The following CTNNA3 variants were observed in gnomAD, a reference collection of about 807,000 sequenced individuals.
CTNNA3 encodes catenin alpha-3.
Under a neutral mutation model 95.7 loss-of-function variants are expected in CTNNA3, and 76 were observed. The observed-to-expected ratio is 0.79, with a 90% CI of 0.66 to 0.96. The LOEUF is 0.96. CTNNA3 is among the 40% of genes least tolerant of loss of function. The probability of loss-of-function intolerance (pLI) is 0.00; values close to 1 mark genes in which losing one functional copy is unlikely to be tolerated. For missense variants in CTNNA3, 1,191 were observed against 1,089.8 expected, an observed-to-expected ratio of 1.09 and a Z score of -1.31; for synonymous variants, 431 against 374.4, an observed-to-expected ratio of 1.15 and a Z score of -1.74.
chr10:66,135,321 C>CA (rs1373630814), intron 13 of CTNNA3, among the ~76,000 whole-genome samples: 1 of 151,856 alleles, frequency 6.6e-6, no homozygotes, highest in Non-Finnish European at 1.5e-5. Context: ...GGCGAGAAGG[C>CA]AAAAAAACTG....
intron 11 of CTNNA3, among the ~76,000 whole-genome samples, chr10:66,515,442 A>T (rs1840814619): frequency 6.6e-6 from 1 of 151,966 alleles, no homozygotes; most frequent in South Asian, 2.1e-4. Context: ...TCCCTAAGTA[A>T]TTCACAACAC....
intron 11 of CTNNA3, among the ~76,000 whole-genome samples, chr10:66,479,980 C>CACA (rs1469514267): frequency 2.0e-5 from 2 of 100,586 alleles, no homozygotes; most frequent in East Asian, 5.2e-4. Context: ...ACACACACAC[C>CACA]CCAGAACTTT....
At chr10:66,740,215 A>T (rs1849282823) in intron 9 of CTNNA3, among the ~76,000 whole-genome samples, 1 of 152,246 alleles carries the variant, frequency 6.6e-6, no homozygotes, top group South Asian at 2.1e-4. Flanking sequence ...ACATGGTGAG[A>T]CTTTACTCAA....
intron 13 of CTNNA3, among the ~76,000 whole-genome samples, chr10:66,163,001 C>A (rs117445027): frequency 9.9e-5 from 15 of 152,126 alleles, no homozygotes; most frequent in Non-Finnish European, 2.1e-4. Context: ...GGAAAGCTGG[C>A]AGTCACAGAC....
At chr10:66,367,260 T>G (rs374774339) in intron 12 of CTNNA3, among the ~76,000 whole-genome samples, 1 of 152,230 alleles carries the variant, frequency 6.6e-6, no homozygotes, top group Non-Finnish European at 1.5e-5. Context: ...CAAGGTGATT[T>G]CAAACTTAAA....
chr10:67,352,217 C>A (rs1303746879), intron 5 of CTNNA3, among the ~76,000 whole-genome samples: 1 of 151,880 alleles, frequency 6.6e-6, no homozygotes, highest in African/African-American at 2.4e-5. Context: ...GCACATCAAC[C>A]AGATCCTAGG....
intron 1 of CTNNA3, among the ~76,000 whole-genome samples, chr10:67,655,347 T>A (rs1450245143): frequency 6.6e-6 from 1 of 152,224 alleles, no homozygotes; most frequent in Non-Finnish European, 1.5e-5. Context: ...TAATAGTAGG[T>A]GCCAATCCCC....
intron 11 of CTNNA3, among the ~76,000 whole-genome samples, chr10:66,454,089 G>A (rs943418371): frequency 6.6e-6 from 1 of 152,118 alleles, no homozygotes; most frequent in Non-Finnish European, 1.5e-5. Context: ...TGTTGGTTTG[G>A]ATGATGGAGG....
intron 11 of CTNNA3, among the ~76,000 whole-genome samples, chr10:66,501,572 CA>C (rs1338797354): frequency 6.6e-6 from 1 of 152,144 alleles, no homozygotes; most frequent in Non-Finnish European, 1.5e-5. Context: ...AACTTGTCAA[CA>C]CGAAAGTGTT....
intron 5 of CTNNA3, among the ~76,000 whole-genome samples, chr10:67,272,984 T>A (rs1839043769): frequency 6.6e-6 from 1 of 152,148 alleles, no homozygotes; most frequent in Non-Finnish European, 1.5e-5. Flanking sequence ...ATGGGTTCCC[T>A]CTCTCACATA....
intron 13 of CTNNA3, among the ~76,000 whole-genome samples, chr10:66,181,424 T>G (rs2086031423): frequency 6.6e-6 from 1 of 152,178 alleles, no homozygotes; most frequent in South Asian, 2.1e-4. Flanking sequence ...ATACAATAAC[T>G]TTTGGGGCTC....
intron 17 of CTNNA3, among the ~76,000 whole-genome samples, chr10:65,936,972 T>C (rs1589147820): frequency 6.6e-6 from 1 of 151,892 alleles, no homozygotes; most frequent in East Asian, 1.9e-4. Context: ...ATTACATAAG[T>C]TATATAACTA....
chr10:66,223,036 A>G (rs1201912796), intron 13 of CTNNA3, among the ~76,000 whole-genome samples: 1 of 152,128 alleles, frequency 6.6e-6, no homozygotes, highest in African/African-American at 2.4e-5. Flanking sequence ...TCAAATTATC[A>G]TCTAAGCTCT....
At chr10:67,665,559 T>A (rs535151350) in intron 1 of CTNNA3, 7 of 152,218 alleles carry the variant, frequency 4.6e-5, no homozygotes, top group Non-Finnish European at 1.0e-4. Flanking sequence ...GGACAGAGTA[T>A]TGCCCATATA....
At chr10:67,104,067 CA>C (rs1317073487) in intron 7 of CTNNA3, among the ~76,000 whole-genome samples, 1 of 151,694 alleles carries the variant, frequency 6.6e-6, no homozygotes, top group East Asian at 1.9e-4. Flanking sequence ...GCCAAAATTA[CA>C]GCCAAAATTA....
At chr10:67,171,015 CTT>C (rs1367761102) in intron 7 of CTNNA3, among the ~76,000 whole-genome samples, 1 of 152,158 alleles carries the variant, frequency 6.6e-6, no homozygotes, top group Non-Finnish European at 1.5e-5. Context: ...CATACACTGA[CTT>C]AACTAAAATT....
At chr10:65,977,364 A>T (rs983009116) in intron 16 of CTNNA3, among the ~76,000 whole-genome samples, 1 of 152,174 alleles carries the variant, frequency 6.6e-6, no homozygotes, top group East Asian at 1.9e-4. Context: ...TGTAAAAAAA[A>T]TTCATTACGT....
chr10:67,750,404 C>T (rs912634917), intron 1 of CTNNA3: 45 of 1,485,808 alleles, frequency 3.0e-5, no homozygotes, highest in African/African-American at 6.9e-5. Flanking sequence ...TGCAGGATAT[C>T]GCCACATTGA....
intron 5 of CTNNA3, among the ~76,000 whole-genome samples, chr10:67,503,854 G>A (rs975438982): frequency 2.6e-5 from 4 of 152,030 alleles, no homozygotes; most frequent in South Asian, 2.1e-4. Flanking sequence ...TTCCAAAACC[G>A]CTTAAAAACA....
Sources: allele counts gnomAD v4.1 joint callset (sites outside exome capture counted in the v4.1 genomes callset), GRCh38; gene constraint gnomAD v4.1.1; transcripts MANE v1.5; gene names NCBI Gene and HGNC (gene_info 2026-07-23, HGNC 2026-07-21).